CASK: variants seen among roughly 807,000 people sequenced by gnomAD.
CASK encodes calcium/calmodulin dependent serine protein kinase, also known as peripheral plasma membrane protein CASK.
A neutral mutation model predicts 82.9 loss-of-function variants in CASK; 4 were observed. That is an observed-to-expected ratio of 0.05 (90% confidence interval 0.02 to 0.11). The LOEUF (loss-of-function observed/expected upper bound fraction) is 0.11. Ranked by LOEUF, CASK falls within the 10% of genes least tolerant of loss-of-function variation. The pLI, the probability that CASK is intolerant of heterozygous loss-of-function variation, is 1.00. For synonymous variants in CASK, 259 were observed against 253.5 expected (o/e 1.02, Z -0.20); for missense variants, 358 against 720.9 (o/e 0.50, Z 5.76).
chrX:41,678,781 C>T (rs2067306959), intron 5 of CASK, among the ~76,000 whole-genome samples: 1 of 111,249 alleles, frequency 9.0e-6, no homozygotes, highest in African/African-American at 3.3e-5. Context: ...TAAAGAGCCA[C>T]CTAGATTCTA....
intron 5 of CASK, among the ~76,000 whole-genome samples, chrX:41,712,147 C>A (rs760096294): frequency 3.2e-4 from 36 of 112,190 alleles, no homozygotes; most frequent in African/African-American, 1.1e-3. Flanking sequence ...GATGAGGAAT[C>A]TTTGATTCCT....
intron 1 of CASK, among the ~76,000 whole-genome samples, chrX:41,868,783 T>C (rs1328681513): frequency 9.0e-6 from 1 of 111,532 alleles, no homozygotes; most frequent in Non-Finnish European, 1.9e-5. Context: ...TAACAAGGCA[T>C]AAAGGGTTGT....
chrX:41,531,779 T>C (rs2064807257), intron 24 of CASK, among the ~76,000 whole-genome samples: 1 of 111,857 alleles, frequency 8.9e-6, no homozygotes, highest in African/African-American at 3.2e-5. Context: ...TTCTATAACA[T>C]CTTGCAAAAG....
intron 2 of CASK, among the ~76,000 whole-genome samples, chrX:41,806,527 T>C (rs988298514): frequency 4.5e-5 from 5 of 112,318 alleles, no homozygotes; most frequent in South Asian, 3.7e-4. Context: ...CTATATGTTG[T>C]TCATTTCTGT....
At chrX:41,831,335 A>G (rs953396131) in intron 2 of CASK, among the ~76,000 whole-genome samples, 4 of 112,080 alleles carry the variant, frequency 3.6e-5, no homozygotes, top group Non-Finnish European at 5.6e-5. Context: ...CTGTGCATCA[A>G]TCCAAAAGTT....
At chrX:41,674,827 G>A (rs1307199021) in intron 5 of CASK, among the ~76,000 whole-genome samples, 1 of 111,068 alleles carries the variant, frequency 9.0e-6, no homozygotes, top group African/African-American at 3.3e-5. Flanking sequence ...TAGTTGAAAA[G>A]TCCATTCATA....
intron 2 of CASK, among the ~76,000 whole-genome samples, chrX:41,834,707 C>T (rs1019235013): frequency 9.0e-5 from 10 of 111,710 alleles, no homozygotes; most frequent in East Asian, 2.8e-4. Flanking sequence ...CTCCCCCTTG[C>T]GATAATTCTT....
At chrX:41,736,023 C>T (rs1204058550) in intron 5 of CASK, among the ~76,000 whole-genome samples, 1 of 111,724 alleles carries the variant, frequency 9.0e-6, no homozygotes, top group Non-Finnish European at 1.9e-5. Flanking sequence ...TGTCTGTTTT[C>T]TTCACTGACG....
intron 11 of CASK, among the ~76,000 whole-genome samples, chrX:41,622,270 C>A (rs951025020): frequency 3.6e-5 from 4 of 112,228 alleles, no homozygotes; most frequent in Non-Finnish European, 7.5e-5. Flanking sequence ...AATTCACTTA[C>A]CCTGAAAGTT....
chrX:41,726,145 C>T (rs1032914756), intron 5 of CASK, among the ~76,000 whole-genome samples: 29 of 112,189 alleles, frequency 2.6e-4, no homozygotes, highest in African/African-American at 9.1e-4. Flanking sequence ...GACAGGGTCT[C>T]GCTATGTTGT....
intron 3 of CASK, among the ~76,000 whole-genome samples, chrX:41,756,690 A>C (rs2068902158): frequency 8.9e-6 from 1 of 112,563 alleles, no homozygotes; most frequent in Admixed American, 9.4e-5. Flanking sequence ...GCATTAACTC[A>C]TTCAATGTTT....
At chrX:41,620,916 T>C (rs1009659626) in intron 11 of CASK, among the ~76,000 whole-genome samples, 1 of 112,165 alleles carries the variant, frequency 8.9e-6, no homozygotes, top group Non-Finnish European at 1.9e-5. Flanking sequence ...TGTCAGCGTA[T>C]AGATGTTATA....
intron 16 of CASK, among the ~76,000 whole-genome samples, chrX:41,563,243 C>T (rs2065257140): frequency 9.8e-6 from 1 of 102,476 alleles, no homozygotes; most frequent in Admixed American, 1.1e-4. Context: ...GCCTGTAGTC[C>T]TAACTCAGGA....
chrX:41,732,973 C>T (rs763343205), intron 5 of CASK, among the ~76,000 whole-genome samples: 32 of 109,295 alleles, frequency 2.9e-4, no homozygotes, highest in Non-Finnish European at 6.1e-4. Flanking sequence ...CGAGATCAGC[C>T]TGGCCAACAT....
chrX:41,676,829 T>C (rs1181920280), intron 5 of CASK, among the ~76,000 whole-genome samples: 2 of 112,372 alleles, frequency 1.8e-5, no homozygotes, highest in Non-Finnish European at 1.9e-5. Flanking sequence ...TGATGAGAAG[T>C]AGTCAAATTC....
At chrX:41,603,466 A>G (rs1213744452) in intron 12 of CASK, among the ~76,000 whole-genome samples, 1 of 112,270 alleles carries the variant, frequency 8.9e-6, no homozygotes, top group Non-Finnish European at 1.9e-5. Context: ...AACGGTAAAA[A>G]ATTATAATAA....
chrX:41,675,985 C>G (rs1158699926), intron 5 of CASK: 1 of 1,206,382 alleles, frequency 8.3e-7, no homozygotes, highest in African/African-American at 1.8e-5. Context: ...AGTTAAGGGC[C>G]AGACCTGGTC....
intron 2 of CASK, among the ~76,000 whole-genome samples, chrX:41,846,378 A>C (rs1222765518): frequency 9.6e-6 from 1 of 104,279 alleles, no homozygotes; most frequent in Non-Finnish European, 2.0e-5. Context: ...ATATTAAAAT[A>C]ATTGAAGTCA....
chrX:41,673,835 T>G (rs866843611), intron 5 of CASK, among the ~76,000 whole-genome samples: 1 of 99,928 alleles, frequency 1.0e-5, no homozygotes, highest in African/African-American at 3.6e-5. Flanking sequence ...GGGTGTTTTT[T>G]TTTTTTTTTT....
Sources: gnomAD v4.1 joint callset for allele counts (sites outside exome capture counted in the v4.1 genomes callset) on GRCh38, gnomAD v4.1.1 for gene constraint, MANE v1.5 for transcripts, NCBI Gene and HGNC (gene_info 2026-07-23, HGNC 2026-07-21) for gene names.